KARS1: variants seen among roughly 807,000 people sequenced by gnomAD.
KARS1 encodes the protein lysyl-tRNA synthetase 1.
In KARS1, 50 loss-of-function variants were observed where a neutral mutation model predicts 63.9. The observed-to-expected ratio is 0.78, with a 90% CI of 0.62 to 0.99. The LOEUF (loss-of-function observed/expected upper bound fraction) is 0.99. Ranked by LOEUF, KARS1 falls within the 50% of genes least tolerant of loss-of-function variation. The probability of loss-of-function intolerance (pLI) is 0.00; values close to 1 mark genes in which losing one functional copy is unlikely to be tolerated. For synonymous variants in KARS1, 320 were observed against 264.6 expected, an observed-to-expected ratio of 1.21 and a Z score of -2.03; for missense variants, 816 against 754.5, an observed-to-expected ratio of 1.08 and a Z score of -0.95.
At position 75,641,647 on chromosome 16, in the gene KARS1, G is replaced by C; in HGVS notation, c.139C>G (p.Gln47Glu). The change falls in exon 2 of 14, where the codon CAG becomes GAG. Residue 47 changes from glutamine to glutamate, a missense_variant. Gln to Glu is a conservative substitution (Grantham distance 29, BLOSUM62 2). Coordinates refer to ENST00000302445, the MANE Select transcript of KARS1 (RefSeq NM_005548.3). ...GCAGCAGCAGTGGCTTGGCTTAGCT[G>C]TTTCTCACTGAGCTCTTTCTGTTTG... ...EAKQKELSEK[Q>E]LSQATAAATN... 1 of 1,613,916 alleles carries C rather than the reference G, an allele frequency of 6.2e-7. No individual in the cohort carries two copies.
chr16:75,644,254 G>A, intron 1 of KARS1: 1 of 1,569,290 alleles, frequency 6.4e-7, no homozygotes, highest in Non-Finnish European at 8.7e-7. Context: ...TTTGCTTCCA[G>A]AGCAATAAAG....
At chr16:75,633,680 G>T (rs1291804277) in intron 7 of KARS1, among the ~76,000 whole-genome samples, 1 of 152,072 alleles carries the variant, frequency 6.6e-6, no homozygotes, top group Non-Finnish European at 1.5e-5. Flanking sequence ...ACCACGCCCA[G>T]CTAATTTTTG....
intron 1 of KARS1, among the ~76,000 whole-genome samples, chr16:75,642,040 T>TAGTTTTGA (rs2082230646): frequency 6.6e-6 from 1 of 151,980 alleles, no homozygotes; most frequent in Non-Finnish European, 1.5e-5. Flanking sequence ...TCCTATGCAT[T>TAGTTTTGA]AGTTTTGAAT....
In KARS1 at chr16:75,628,462, C is replaced by G. The variant is rs565287310; in HGVS notation, c.1695+107G>C. 22 of 1,319,432 alleles carry G rather than the reference C, an allele frequency of 1.7e-5. No individual in the cohort carries two copies. In the Admixed American group the frequency reaches 2.7e-4, roughly 16 times the overall value. 81.7% of individuals were successfully genotyped at this position (1,319,432 alleles called of 1,614,324 possible). ...GGAACTCCTCTGCCTGCTCCTCTTC[C>G]CAGCCCAAAGCCCTTCCTTAATTTT... On this transcript the variant is annotated intron_variant, in intron 13 of 13. Coordinates refer to ENST00000302445, the MANE Select transcript of KARS1 (RefSeq NM_005548.3).
In KARS1 at chr16:75,642,579, G is replaced by C. The variant is rs577167323; in HGVS notation, c.63-856C>G. Among the ~76,000 whole-genome samples the C allele has an allele frequency of 1.1e-3, 163 of 152,172 alleles. No individual in the cohort carries two copies. The Middle Eastern group carries it at 0.014, about 13-fold the overall frequency. ...CTCTCTCTATCCCTCCCCTAAGAGT[G>C]AGTTAGGATGATAGTAAGGAAGAGC... On this transcript the variant is annotated intron_variant, in intron 1 of 13. Transcript: ENST00000302445.
At chr16:75,633,351 C>T (rs995871048) in intron 7 of KARS1, among the ~76,000 whole-genome samples, 4 of 152,154 alleles carry the variant, frequency 2.6e-5, no homozygotes, top group South Asian at 2.1e-4. Flanking sequence ...GCAGCTAATG[C>T]CCTCTTGTGA....
chr16:75,647,539 C>T (rs377604601), intron 1 of KARS1, 39 bp downstream of exon 1: 20 of 1,596,622 alleles, frequency 1.3e-5, no homozygotes, highest in Admixed American at 6.7e-5. Context: ...CCCAGACTCT[C>T]CTACCGCAAA....
At chr16:75,631,893 CTTT>C in intron 7 of KARS1, 38 bp from the exon 8 acceptor site, 1 of 1,261,842 alleles carries the variant, frequency 7.9e-7, no homozygotes, top group Non-Finnish European at 1.1e-6. Flanking sequence ...GACAGCTAAT[CTTT>C]TTTTTTTTGA....
intron 2 of KARS1, 42 bp downstream of exon 2, chr16:75,641,522 G>C (rs745324722): frequency 6.3e-7 from 1 of 1,587,440 alleles, no homozygotes; most frequent in Admixed American, 1.7e-5. Flanking sequence ...CTCATCAGAA[G>C]CTTTCCTGTG....
In KARS1 at chr16:75,627,768, C is replaced by G; in HGVS notation, c.*127G>C. 1.4e-6 allele frequency: 1 copy of G among 739,160 alleles called. No homozygotes were observed. Among genetic ancestry groups the G allele is most frequent in the Non-Finnish European group, 2.5e-6 (1 of 398,002 alleles). The allele number at this position is 739,160 out of a possible 1,614,324, so 45.8% of individuals were successfully genotyped here. A position where few individuals can be genotyped will look rare whatever the true frequency, so the allele number is the denominator to read the frequency against. On this transcript the variant is annotated 3_prime_UTR_variant, in exon 14 of 14. Transcript: ENST00000302445. ...AAAAGAAATTTTTAATTCCTTGTCT[C>G]TCTTCTGATGGCTGAACAGAACTGC...
rs139608634 is a variant in KARS1 at position 75,639,999 on chromosome 16, T to C, written c.388+185A>G. 15 of 617,304 alleles carry C rather than the reference T, an allele frequency of 2.4e-5. No homozygotes were observed. In the East Asian group the frequency reaches 4.1e-4, roughly 17 times the overall value. 38.2% of individuals were successfully genotyped at this position (617,304 alleles called of 1,614,324 possible). A position where few individuals can be genotyped will look rare whatever the true frequency, so the allele number is the denominator to read the frequency against. On this transcript the variant is annotated intron_variant, in intron 3 of 13. Coordinates refer to ENST00000302445, the MANE Select transcript of KARS1 (RefSeq NM_005548.3). ...CTTTGTAGCACTACCTCATCTGGAA[T>C]ATGATTCCATGTCTCAGGGCTGCTC...
intron 2 of KARS1, among the ~76,000 whole-genome samples, chr16:75,640,920 G>A (rs1157495909): frequency 6.6e-6 from 1 of 152,116 alleles, no homozygotes; most frequent in East Asian, 1.9e-4. Flanking sequence ...AACCAAGGAG[G>A]GGCAAGGTGT....
intron 3 of KARS1, among the ~76,000 whole-genome samples, chr16:75,637,445 TG>T (rs2082174029): frequency 6.6e-6 from 1 of 152,098 alleles, no homozygotes; most frequent in South Asian, 2.1e-4. Flanking sequence ...AGGGAGGGGA[TG>T]TGTCCGTTTC....
chr16:75,628,079 T>A, intron 13 of KARS1, 86 bp from the exon 14 acceptor site: 1 of 830,874 alleles, frequency 1.2e-6, no homozygotes, highest in Middle Eastern at 2.2e-4. Flanking sequence ...TTGCCTCTGT[T>A]GTTACCACCA....
intron 7 of KARS1, among the ~76,000 whole-genome samples, chr16:75,632,923 T>G (rs2082127744): frequency 6.6e-6 from 1 of 152,216 alleles, no homozygotes; most frequent in Non-Finnish European, 1.5e-5. Context: ...CCGTACAGCA[T>G]TAGGTCATAG....
rs1222206402 is a variant in KARS1, at chr16:75,635,465, T to C, written c.795+215A>G. ...TATTGAATGTGACATCATTAGCATGTGGATGGCCCTATACCTTGTCCATTA... is the reference window on the plus strand; with the variant it reads ...TATTGAATGTGACATCATTAGCATGCGGATGGCCCTATACCTTGTCCATTA... On this transcript the variant is annotated intron_variant, in intron 6 of 13. Coordinates refer to ENST00000302445, the MANE Select transcript of KARS1 (RefSeq NM_005548.3). The C allele has an allele frequency of 5.2e-6, 3 of 574,874 alleles. No individual in the cohort carries two copies. The Admixed American group carries it at 8.6e-5, about 17-fold the overall frequency. The allele number at this position is 574,874 out of a possible 1,614,324, so 35.6% of individuals were successfully genotyped here.
At chr16:75,634,894 A>C (rs1314644608) in intron 6 of KARS1, among the ~76,000 whole-genome samples, 2 of 152,180 alleles carry the variant, frequency 1.3e-5, no homozygotes, top group African/African-American at 4.8e-5. Context: ...GTATTTATTA[A>C]AAATTTAGGC....
At chr16:75,629,713 C>A (rs1351235332) in intron 11 of KARS1, among the ~76,000 whole-genome samples, 172 bp from the exon 12 acceptor site, 1 of 152,238 alleles carries the variant, frequency 6.6e-6, no homozygotes, top group Non-Finnish European at 1.5e-5. Flanking sequence ...ACTTCTCCTG[C>A]CTCAGCCTTG....
chr16:75,640,407 G>C lies in KARS1; in HGVS notation c.223-58C>G, dbSNP rs542108925. 1.7e-5 allele frequency: 26 copies of C among 1,556,552 alleles called. No individual in the cohort carries two copies. In the African/African-American group the frequency reaches 3.4e-4, roughly 20 times the overall value. ...AAGTTGAACCTGGTCAGACCAGTGG[G>C]GCCCACCTAGCAGAGGGCAGTATTC... On this transcript the variant is annotated intron_variant, in intron 2 of 13. Transcript: ENST00000302445.
Sources: allele counts gnomAD v4.1 joint callset (sites outside exome capture counted in the v4.1 genomes callset), GRCh38; gene constraint gnomAD v4.1.1; transcripts MANE v1.5; gene names NCBI Gene and HGNC (gene_info 2026-07-23, HGNC 2026-07-21).